Variants in PDCD2L observed in about 807,000 individuals in gnomAD.
The protein encoded by PDCD2L is programmed cell death 2 like, also known as uS5 assembly chaperone PDCD2L.
PDCD2L carries 44 observed loss-of-function variants against 40.4 expected under a neutral mutation model. That is an observed-to-expected ratio of 1.09 (90% CI 0.86 to 1.40). The LOEUF (loss-of-function observed/expected upper bound fraction) is 1.40. Ranked by LOEUF, PDCD2L falls within the 40% of genes most tolerant of loss-of-function variation. The pLI, the probability that PDCD2L is intolerant of heterozygous loss-of-function variation, is 0.00. For missense variants in PDCD2L, 470 were observed against 453.7 expected (o/e 1.04, Z -0.33); for synonymous variants, 194 against 174.6 (o/e 1.11, Z -0.88).
chr19:34,412,554 C>T (rs2075108564), intron 4 of PDCD2L, among the ~76,000 whole-genome samples: 1 of 151,822 alleles, frequency 6.6e-6, no homozygotes, highest in African/African-American at 2.4e-5. Context: ...CTTGTCTTTA[C>T]TAAAAATACA....
At position 34,404,768 on chromosome 19, in the gene PDCD2L, C is replaced by T; in HGVS notation, c.228C>T (p.His76=). 1.9e-6 allele frequency: 3 copies of T among 1,609,178 alleles called. No homozygotes were observed. The highest frequency in any genetic ancestry group is 2.5e-6 in the Non-Finnish European group (3 of 1,178,804). ...LEGSPFHRLL[H]VFACACPGCS... ...GCTCCCCGTTTCACCGTCTGCTGCA[C>T]GTGTTCGCGTGCGCCTGCCCCGGCT... The change falls in exon 2 of 7, where the codon CAC becomes CAT. Residue 76 remains histidine (H), a synonymous_variant. Transcript: ENST00000246535.
intron 6 of PDCD2L, among the ~76,000 whole-genome samples, chr19:34,422,620 C>T (rs2075157290): frequency 6.6e-6 from 1 of 151,682 alleles, no homozygotes; most frequent in African/African-American, 2.4e-5. Context: ...TAGGAAAATT[C>T]ACTAATATGG....
chr19:34,405,434 C>T (rs1216532499), intron 3 of PDCD2L, among the ~76,000 whole-genome samples: 1 of 151,478 alleles, frequency 6.6e-6, no homozygotes, highest in African/African-American at 2.4e-5. Context: ...GCATGAGCCA[C>T]CGCGCCCGGC....
At chr19:34,419,202 C>T (rs1015004555) in intron 5 of PDCD2L, among the ~76,000 whole-genome samples, 3 of 151,666 alleles carry the variant, frequency 2.0e-5, no homozygotes, top group African/African-American at 4.8e-5. Flanking sequence ...TGCTCTGTTG[C>T]CCAGGCTGGA....
At chr19:34,411,615 T>C (rs2075103851) in intron 4 of PDCD2L, among the ~76,000 whole-genome samples, 1 of 152,094 alleles carries the variant, frequency 6.6e-6, no homozygotes. Context: ...TCCCCATAGC[T>C]GGGACTACAG....
At chr19:34,410,708 T>C (rs1023924547) in intron 4 of PDCD2L, among the ~76,000 whole-genome samples, 1 of 152,010 alleles carries the variant, frequency 6.6e-6, no homozygotes, top group African/African-American at 2.4e-5. Context: ...TGAAGACATG[T>C]TGGTGTTTGA....
At chr19:34,409,858 G>A (rs540969017) in intron 4 of PDCD2L, among the ~76,000 whole-genome samples, 3 of 152,200 alleles carry the variant, frequency 2.0e-5, no homozygotes, top group African/African-American at 7.2e-5. Flanking sequence ...AATAAGATTG[G>A]GGTGAAAAAA....
At chr19:34,409,595 T>C in intron 4 of PDCD2L, 85 bp downstream of exon 4, 10 of 1,256,344 alleles carry the variant, frequency 8.0e-6, no homozygotes, top group Admixed American at 2.1e-5. Flanking sequence ...CCACAGGACC[T>C]GGGGAAACTT....
intron 6 of PDCD2L, among the ~76,000 whole-genome samples, chr19:34,425,302 T>C (rs1004859153): frequency 1.4e-5 from 2 of 138,252 alleles, no homozygotes; most frequent in Admixed American, 1.5e-4. Context: ...TTCTCTCTTC[T>C]TTTTTTTTTT....
At chr19:34,411,640 A>T (rs2075103969) in intron 4 of PDCD2L, among the ~76,000 whole-genome samples, 1 of 151,754 alleles carries the variant, frequency 6.6e-6, no homozygotes, top group Non-Finnish European at 1.5e-5. Flanking sequence ...GTGCCACCAA[A>T]CTCAGCTAAT....
intron 4 of PDCD2L, among the ~76,000 whole-genome samples, chr19:34,413,166 G>A (rs1202771367): frequency 6.6e-6 from 1 of 151,682 alleles, no homozygotes; most frequent in African/African-American, 2.4e-5. Context: ...AGCCTCCCAA[G>A]GAGCTGGGAT....
intron 4 of PDCD2L, 141 bp downstream of exon 4, chr19:34,409,651 C>G (rs534544160): frequency 1.5e-6 from 1 of 665,506 alleles, no homozygotes; most frequent in African/African-American, 1.8e-5. Context: ...ACTTCCTTAT[C>G]AGCCAACTTG....
At position 34,413,709 on chromosome 19, in the gene PDCD2L, C is replaced by G. The variant is rs181617476; in HGVS notation, c.687-28C>G. ...CTGTAATTTTCTGGATATAGACATT[C>G]AAAAGTGTTTTCTGCTTCTGTTTTT... On this transcript the variant is annotated intron_variant, in intron 4 of 6. Transcript: ENST00000246535. 1.6e-4 allele frequency: 210 copies of G among 1,305,692 alleles called. 1 individual carries two copies. In the African/African-American group the frequency reaches 3.0e-3, roughly 18 times the overall value. The allele number at this position is 1,305,692 out of a possible 1,614,324, so 80.9% of individuals were successfully genotyped here.
chr19:34,406,191 A>G (rs772877012), intron 3 of PDCD2L, among the ~76,000 whole-genome samples: 14 of 152,114 alleles, frequency 9.2e-5, no homozygotes, highest in Non-Finnish European at 1.8e-4. Flanking sequence ...GATTTCTTCA[A>G]CTTTTTTTTT....
intron 5 of PDCD2L, among the ~76,000 whole-genome samples, chr19:34,414,721 TTC>T (rs2075119837): frequency 6.6e-6 from 1 of 151,830 alleles, no homozygotes; most frequent in African/African-American, 2.4e-5. Flanking sequence ...AACTTCTGGG[TTC>T]AAGCCATCCA....
At chr19:34,425,124 C>T in intron 6 of PDCD2L, among the ~76,000 whole-genome samples, 1 of 151,956 alleles carries the variant, frequency 6.6e-6, no homozygotes, top group East Asian at 1.9e-4. Context: ...CTCTTGACTC[C>T]TGCTTTTCTG....
rs754034582 is a variant in PDCD2L, at chr19:34,411,896, C to G, written c.687-1841C>G. Reference sequence around the variant, plus strand: ...TCTCAAACTCCTAACCTCAAGTGACCCACTCTCCTTGGCCTCCCAAAGTGC... The same window carrying G: ...TCTCAAACTCCTAACCTCAAGTGACGCACTCTCCTTGGCCTCCCAAAGTGC... On this transcript the variant is annotated intron_variant, in intron 4 of 6. Transcript: ENST00000246535. 9.6e-4 allele frequency among the ~76,000 whole-genome samples: 143 copies of G among 148,212 alleles called. 1 individual carries two copies. Among genetic ancestry groups the G allele is most frequent in the Non-Finnish European group, 2.1e-3 (138 of 67,298 alleles).
Position 34,404,731 on chromosome 19 carries a change from G to A in PDCD2L, c.191G>A (p.Cys64Tyr). 6.2e-7 allele frequency: 1 copy of A among 1,612,286 alleles called. No individual in the cohort carries two copies. The highest frequency in any genetic ancestry group is 2.2e-5 in the East Asian group (1 of 44,872). Reference sequence around the variant, plus strand: ...CTCGCTCTGGTCGTGCAGGTGTATTGCCCGCTGGAAGGCTCCCCGTTTCAC... The same window carrying A: ...CTCGCTCTGGTCGTGCAGGTGTATTACCCGCTGGAAGGCTCCCCGTTTCAC... ...QPLALVVQVYCPLEGSPFHRL... is the reference protein window; with the variant it reads ...QPLALVVQVYYPLEGSPFHRL... The change falls in exon 2 of 7, where the codon TGC becomes TAC. Residue 64 changes from cysteine to tyrosine, a missense_variant. Transcript: ENST00000246535.
Position 34,404,469 on chromosome 19 carries a change from A to G in PDCD2L, c.39A>G (p.Arg13=). ...AVLKPVLLGL[R]DAPVHGSPTG... ...TGAAGCCGGTGCTGCTGGGCCTTCG[A>G]GATGCGCCGGTGCACGGCAGCCCCA... The change falls in exon 1 of 7, where the codon CGA becomes CGG. Residue 13 remains arginine, a synonymous_variant. Coordinates refer to ENST00000246535, the MANE Select transcript of PDCD2L (RefSeq NM_032346.2). 1.3e-6 allele frequency: 2 copies of G among 1,544,706 alleles called. No homozygotes were observed. Among genetic ancestry groups the G allele is most frequent in the Non-Finnish European group, 1.7e-6 (2 of 1,146,386 alleles).
Sources: allele counts gnomAD v4.1 joint callset (sites outside exome capture counted in the v4.1 genomes callset), GRCh38; gene constraint gnomAD v4.1.1; transcripts MANE v1.5; gene names NCBI Gene and HGNC (gene_info 2026-07-23, HGNC 2026-07-21).